NDUFV1: variants seen among roughly 807,000 people sequenced by gnomAD.
NDUFV1 encodes the protein NADH:ubiquinone oxidoreductase core subunit V1, also known as NADH dehydrogenase [ubiquinone] flavoprotein 1, mitochondrial.
A neutral mutation model predicts 48.7 loss-of-function variants in NDUFV1; 41 were observed. The ratio of observed to expected loss-of-function variants is 0.84; its 90% CI spans 0.66 to 1.09. The LOEUF (loss-of-function observed/expected upper bound fraction) is 1.09. Among genes scored for constraint, NDUFV1 ranks in the 50% least tolerant of loss-of-function variants. NDUFV1 has a pLI of 0.00. For synonymous variants in NDUFV1, 231 were observed against 259.1 expected, an observed-to-expected ratio of 0.89 and a Z score of 1.04; for missense variants, 580 against 645.4, an observed-to-expected ratio of 0.90 and a Z score of 1.10.
chr11:67,611,892 C>A lies in NDUFV1; in HGVS notation c.1081-5C>A. On this transcript the variant is annotated splice_region_variant and splice_polypyrimidine_tract_variant and intron_variant, in intron 7 of 9. Transcript: ENST00000322776. This position sits in a 1 kb window ranked among gnomAD's most constrained non-coding sequence, Gnocchi z 4.2. ...GGTGCCTGCTAATTGCCCCTCGTCA[C>A]CCAGACGGACATCGTGAAAGCCATC... 1 of 1,613,988 alleles carries A rather than the reference C, an allele frequency of 6.2e-7. No individual in the cohort carries two copies. Among genetic ancestry groups the A allele is most frequent in the Non-Finnish European group, 8.5e-7 (1 of 1,179,986 alleles).
chr11:67,609,427 C>T, intron 3 of NDUFV1, 25 bp from the exon 4 acceptor site: 2 of 1,612,548 alleles, frequency 1.2e-6, no homozygotes, highest in Non-Finnish European at 1.7e-6. Context: ...GCCCTGTAGC[C>T]TGTCTGACCT....
Position 67,611,838 on chromosome 11 carries a change from G to C in NDUFV1, c.1081-59G>C, listed in dbSNP as rs546992129. On this transcript the variant is annotated intron_variant, in intron 7 of 9. Transcript: ENST00000322776. The surrounding 1 kb of genome is among the most constrained non-coding windows in gnomAD (Gnocchi z 4.2). ...CTGGGGGAGGGGCTGCTGCTAGGGG[G>C]CTGAGGCCCAGGCTTCTGTCTGGCC... is the stretch of plus-strand genomic sequence containing the variant. The C allele has an allele frequency of 1.9e-6, 3 of 1,591,418 alleles. No individual in the cohort carries two copies. Among genetic ancestry groups the C allele is most frequent in the East Asian group, 2.2e-5 (1 of 44,716 alleles).
chr11:67,607,255 G>T (rs1453766471), intron 1 of NDUFV1, 179 bp downstream of exon 1: 39 of 749,308 alleles, frequency 5.2e-5, no homozygotes, highest in Non-Finnish European at 7.5e-5. Context: ...ACGCGGGGCC[G>T]ACTCCCTTGA....
intron 1 of NDUFV1, among the ~76,000 whole-genome samples, chr11:67,607,807 TC>T (rs1216852242): frequency 2.0e-5 from 3 of 152,144 alleles, no homozygotes; most frequent in Non-Finnish European, 2.9e-5. Flanking sequence ...TTCCATAAGC[TC>T]CTTTTGCTCC....
Position 67,608,148 on chromosome 11 carries a change from C to T in NDUFV1, c.73-248C>T, listed in dbSNP as rs141376446. ...GGCTGAGGCACAAGAATTATTTGAACCTGGGAGGTGGAGTTTGCAGTGAGC... is the reference window on the plus strand; with the variant it reads ...GGCTGAGGCACAAGAATTATTTGAATCTGGGAGGTGGAGTTTGCAGTGAGC... On this transcript the variant is annotated intron_variant, in intron 1 of 9. Transcript: ENST00000322776. The T allele has an allele frequency of 3.4e-4, 186 of 545,422 alleles. 4 individuals carry two copies. Among genetic ancestry groups the T allele is most frequent in the African/African-American group, 3.0e-3 (158 of 52,726 alleles). The allele number at this position is 545,422 out of a possible 1,614,324, so 33.8% of individuals were successfully genotyped here. A position where few individuals can be genotyped will look rare whatever the true frequency, so the allele number is the denominator to read the frequency against.
chr11:67,610,216 A>T (rs1854885798), intron 4 of NDUFV1, 165 bp from the exon 5 acceptor site: 1 of 693,370 alleles, frequency 1.4e-6, no homozygotes. Context: ...GTTCCAGATC[A>T]TAGTCAAGTT....
At chr11:67,610,904 C>T in intron 5 of NDUFV1, 91 bp from the exon 6 acceptor site, 2 of 1,254,338 alleles carry the variant, frequency 1.6e-6, no homozygotes, top group Non-Finnish European at 2.3e-6. Flanking sequence ...AGGGGCTCTG[C>T]CATGGGTGCA....
chr11:67,609,585 G>A lies in NDUFV1; in HGVS notation c.460G>A (p.Ala154Thr), dbSNP rs1192003116. 8 of 1,611,292 alleles carry A rather than the reference G, an allele frequency of 5.0e-6. No individual in the cohort carries two copies. Among genetic ancestry groups the A allele is most frequent in the Non-Finnish European group, 6.8e-6 (8 of 1,180,022 alleles). ...VGGRAMGARA[A>T]YIYIRGEFYN... ...GGGCCGGGCCATGGGCGCCCGCGCTGCCTATATCTACATCCGAGGGGAATT... is the reference window on the plus strand; with the variant it reads ...GGGCCGGGCCATGGGCGCCCGCGCTACCTATATCTACATCCGAGGGGAATT... The change falls in exon 4 of 10, where the codon GCC becomes ACC. Residue 154 changes from alanine to threonine, a missense_variant. By Grantham distance (58) the Ala-to-Thr change is moderately conservative. Coordinates refer to ENST00000322776, the MANE Select transcript of NDUFV1 (RefSeq NM_007103.4).
In NDUFV1 at chr11:67,609,576, G is replaced by T; in HGVS notation, c.451G>T (p.Ala151Ser). 6.2e-7 allele frequency: 1 copy of T among 1,611,706 alleles called. No homozygotes were observed. Among genetic ancestry groups the T allele is most frequent in the Non-Finnish European group, 8.5e-7 (1 of 1,179,894 alleles). ...GCLVGGRAMG[A>S]RAAYIYIRGE... is the part of the protein sequence containing the mutation. ...CCTGGTGGGGGGCCGGGCCATGGGC[G>T]CCCGCGCTGCCTATATCTACATCCG... Residue 151 changes from alanine (A) to serine (S), a missense_variant, in exon 4 of 10, where the codon GCC (alanine) becomes TCC (serine). Coordinates refer to ENST00000322776, the MANE Select transcript of NDUFV1 (RefSeq NM_007103.4).
In NDUFV1 at chr11:67,612,122, G is replaced by A. The variant is rs1178237998; in HGVS notation, c.1165G>A (p.Val389Met). The A allele has an allele frequency of 1.9e-6, 3 of 1,613,690 alleles. No homozygotes were observed. Among genetic ancestry groups the A allele is most frequent in the African/African-American group, 1.3e-5 (1 of 74,834 alleles). The stretch of plus-strand genomic sequence containing the variant: ...CTCTCTTGTGGCTGTGGCTGCAGGT[G>A]TGGACTGGATGAACAAGGTGATGGC... Reference protein sequence around the residue: ...CGQCTPCREGVDWMNKVMARF... With the variant: ...CGQCTPCREGMDWMNKVMARF... Residue 389 changes from valine (V) to methionine (M), a missense_variant and splice_region_variant, in exon 9 of 10, where the codon GTG becomes ATG. Physicochemically the swap from Val to Met is conservative, Grantham distance 21 (BLOSUM62 1). Coordinates refer to ENST00000322776, the MANE Select transcript of NDUFV1 (RefSeq NM_007103.4). This position sits in a 1 kb window ranked among gnomAD's most constrained non-coding sequence, Gnocchi z 4.4.
At chr11:67,607,710 G>T in intron 1 of NDUFV1, 1 of 350,442 alleles carries the variant, frequency 2.9e-6, no homozygotes. Context: ...CGGCTTGTGG[G>T]GCTGTGTGGT....
rs770680661 is a variant in NDUFV1, at chr11:67,611,411, AC to A, written c.923del (p.Thr308ArgfsTer10). On this transcript the variant is annotated frameshift_variant, in exon 7 of 10. Transcript: ENST00000322776. LOFTEE classifies it high-confidence loss of function. The surrounding 1 kb of genome is among the most constrained non-coding windows in gnomAD (Gnocchi z 4.2). ...ELIEKHAGGVTGGWDNLLAVI... is the reference protein window; with the variant it reads ...ELIEKHAGGVXGGWDNLLAVI... ...CCGACTTGGGGCCCCAGGGGGTGTC[AC>A]GGGCGGCTGGGACAACCTCCTTGCT... 1 of 1,613,524 alleles carries A rather than the reference AC, an allele frequency of 6.2e-7. No individual in the cohort carries two copies. Among genetic ancestry groups the A allele is most frequent in the Non-Finnish European group, 8.5e-7 (1 of 1,179,968 alleles).
At chr11:67,608,507 CCCGG>C (rs1374468184) in intron 2 of NDUFV1, 29 bp downstream of exon 2, 3 of 1,614,056 alleles carry the variant, frequency 1.9e-6, no homozygotes, top group Non-Finnish European at 2.5e-6. Flanking sequence ...TGTGTTGGGT[CCCGG>C]AGCAAGGTGT....
chr11:67,609,100 G>A (rs765499551), intron 3 of NDUFV1, among the ~76,000 whole-genome samples: 4 of 152,208 alleles, frequency 2.6e-5, no homozygotes, highest in Non-Finnish European at 5.9e-5. Flanking sequence ...GGCACATAAA[G>A]CAAATGATAA....
rs373302158 is a variant in NDUFV1 at position 67,608,500 on chromosome 11, G to A, written c.155+22G>A. The A allele has an allele frequency of 9.6e-5, 155 of 1,614,086 alleles. 1 individual carries two copies. The highest frequency in any genetic ancestry group is 6.7e-5 in the Admixed American group (4 of 60,002). ...GGAGGTGAGACAGTGCCCTTAGTGT[G>A]TTGGGTCCCGGAGCAAGGTGTCCCC... On this transcript the variant is annotated intron_variant, in intron 2 of 9. Coordinates refer to ENST00000322776, the MANE Select transcript of NDUFV1 (RefSeq NM_007103.4).
At chr11:67,608,362 G>A (rs781227356) in intron 1 of NDUFV1, 34 bp from the exon 2 acceptor site, 2 of 1,586,962 alleles carry the variant, frequency 1.3e-6, no homozygotes, top group South Asian at 1.1e-5. Flanking sequence ...TGGCCCCAGA[G>A]CACTCTGGGC....
Position 67,607,164 on chromosome 11 carries a change from T to TGGCC in NDUFV1, c.72+89_72+92dup. 4 of 1,410,898 alleles carry TGGCC rather than the reference T, an allele frequency of 2.8e-6. No individual in the cohort carries two copies. The South Asian group carries it at 4.9e-5, about 17-fold the overall frequency. The allele number at this position is 1,410,898 out of a possible 1,614,324, so 87.4% of individuals were successfully genotyped here. ...CACGAGCAGTCCCTGGGGTCTGTAG[T>TGGCC]GGCCTCTGGAGAGCCCTTCTCCCCA... On this transcript the variant is annotated intron_variant, in intron 1 of 9. Coordinates refer to ENST00000322776, the MANE Select transcript of NDUFV1 (RefSeq NM_007103.4).
At position 67,609,534 on chromosome 11, in the gene NDUFV1, A is replaced by C; in HGVS notation, c.409A>C (p.Lys137Gln). The C allele has an allele frequency of 1.2e-6, 2 of 1,613,386 alleles. No homozygotes were observed. Among genetic ancestry groups the C allele is most frequent in the Non-Finnish European group, 1.7e-6 (2 of 1,179,864 alleles). ...GGAGATCTTACGCCATGATCCTCACAAGCTGCTGGAAGGCTGCCTGGTGGG... is the reference window on the plus strand; with the variant it reads ...GGAGATCTTACGCCATGATCCTCACCAGCTGCTGGAAGGCTGCCTGGTGGG... The part of the protein sequence containing the change: ...DREILRHDPH[K>Q]LLEGCLVGGR... Residue 137 changes from lysine (K) to glutamine (Q), a missense_variant, in exon 4 of 10, where the codon AAG (lysine) becomes CAG (glutamine). Transcript: ENST00000322776.
chr11:67,608,091 G>C (rs1248597390), intron 1 of NDUFV1: 2 of 442,906 alleles, frequency 4.5e-6, no homozygotes, highest in Non-Finnish European at 8.3e-6. Flanking sequence ...CCCGGGCGTG[G>C]TGGTGAGTGC....
Sources: allele counts gnomAD v4.1 joint callset (sites outside exome capture counted in the v4.1 genomes callset), GRCh38; gene constraint gnomAD v4.1.1; non-coding constraint Gnocchi (gnomAD v3.1); transcripts MANE v1.5; gene names NCBI Gene and HGNC (gene_info 2026-07-23, HGNC 2026-07-21).